Variants in PTPRT observed in about 807,000 individuals in gnomAD.
The protein encoded by PTPRT is receptor-type tyrosine-protein phosphatase T.
PTPRT carries 56 observed loss-of-function variants against 176.8 expected under a neutral mutation model. The observed-to-expected ratio is 0.32, with a 90% confidence interval of 0.26 to 0.40. PTPRT has a LOEUF of 0.40. Among genes scored for constraint, PTPRT ranks in the 10% least tolerant of loss-of-function variants. The pLI, the probability that PTPRT is intolerant of heterozygous loss-of-function variation, is 1.00. For synonymous variants in PTPRT, 783 were observed against 739.0 expected (o/e 1.06, Z -0.96); for missense variants, 1,540 against 1,908.2 (o/e 0.81, Z 3.60).
intron 2 of PTPRT, among the ~76,000 whole-genome samples, chr20:42,822,001 T>C (rs573836612): frequency 1.3e-5 from 2 of 152,268 alleles, no homozygotes; most frequent in South Asian, 4.1e-4. Flanking sequence ...AATTTACAGA[T>C]TCAACACTGC....
At chr20:42,043,753 G>T in the PTPRT span, among the ~76,000 whole-genome samples, 5 of 152,134 alleles carry the variant, frequency 3.3e-5, no homozygotes, top group African/African-American at 7.2e-5. Flanking sequence ...CAATATACAA[G>T]ACACTTTTAT....
At chr20:43,099,562 T>C (rs915788125) in intron 1 of PTPRT, among the ~76,000 whole-genome samples, 2 of 152,168 alleles carry the variant, frequency 1.3e-5, no homozygotes, top group African/African-American at 4.8e-5. Context: ...TCTTCAAAGA[T>C]ATCCACAAGT....
chr20:42,768,070 C>T (rs904174430), intron 5 of PTPRT, among the ~76,000 whole-genome samples: 7 of 148,936 alleles, frequency 4.7e-5, no homozygotes, highest in African/African-American at 1.7e-4. Context: ...CTTCCAATTA[C>T]CTGATTGCAC....
intron 8 of PTPRT, among the ~76,000 whole-genome samples, chr20:42,463,909 T>A (rs1889674379): frequency 6.6e-6 from 1 of 152,264 alleles, no homozygotes; most frequent in Admixed American, 6.5e-5. Context: ...TTGTTCCAGA[T>A]AAATCTTTAC....
chr20:42,189,939 T>C (rs1443532404), intron 16 of PTPRT, among the ~76,000 whole-genome samples: 2 of 152,202 alleles, frequency 1.3e-5, no homozygotes, highest in Middle Eastern at 3.2e-3. Flanking sequence ...TGATGGAAAA[T>C]TGGTCAACTT....
chr20:42,602,461 C>T (rs1193271550), intron 7 of PTPRT, among the ~76,000 whole-genome samples: 1 of 152,082 alleles, frequency 6.6e-6, no homozygotes, highest in African/African-American at 2.4e-5. Context: ...TTCTGCCGGA[C>T]ACTGGTCAAA....
At chr20:42,692,115 C>T (rs2075802725) in intron 6 of PTPRT, among the ~76,000 whole-genome samples, 1 of 152,100 alleles carries the variant, frequency 6.6e-6, no homozygotes, top group South Asian at 2.1e-4. Flanking sequence ...AATTTTAACA[C>T]ACACAAAAGG....
At chr20:42,917,983 G>C (rs537164666) in intron 1 of PTPRT, among the ~76,000 whole-genome samples, 1 of 152,094 alleles carries the variant, frequency 6.6e-6, no homozygotes, top group African/African-American at 2.4e-5. Context: ...ACTAGCGGTC[G>C]CGTGTCCCAG....
At chr20:42,396,565 C>T (rs1435985514) in intron 9 of PTPRT, among the ~76,000 whole-genome samples, 1 of 152,126 alleles carries the variant, frequency 6.6e-6, no homozygotes, top group Non-Finnish European at 1.5e-5. Context: ...GCCCTTTGCA[C>T]TTTCTTTTTT....
intron 19 of PTPRT, 131 bp from the exon 20 acceptor site, chr20:42,120,102 G>C (rs1335253489): frequency 2.7e-6 from 2 of 732,270 alleles, no homozygotes; most frequent in Non-Finnish European, 4.4e-6. Context: ...GTTATTCCCA[G>C]AGAAGTGGCA....
chr20:42,845,109 T>C (rs183282), intron 2 of PTPRT, among the ~76,000 whole-genome samples: 132,990 of 152,154 alleles, frequency 0.87, 58,648 homozygotes, highest in Non-Finnish European at 0.94. Context: ...TGTCTAGACA[T>C]TGGTAAGCAA....
intron 17 of PTPRT, among the ~76,000 whole-genome samples, chr20:42,151,934 G>C (rs187084260): frequency 6.6e-6 from 1 of 152,330 alleles, no homozygotes; most frequent in Admixed American, 6.5e-5. Context: ...GAATGGGAAC[G>C]TTTCATAATC....
chr20:42,210,806 A>G (rs2055604209), intron 15 of PTPRT, among the ~76,000 whole-genome samples: 1 of 152,240 alleles, frequency 6.6e-6, no homozygotes, highest in South Asian at 2.1e-4. Flanking sequence ...TTTAAAATTC[A>G]TATGGAACCA....
At chr20:42,634,587 A>C (rs1264895066) in intron 7 of PTPRT, among the ~76,000 whole-genome samples, 6 of 152,082 alleles carry the variant, frequency 3.9e-5, no homozygotes, top group African/African-American at 1.4e-4. Context: ...AGGCATGCTA[A>C]TTTCATTTTA....
rs533907288 is a variant in PTPRT, at chr20:42,504,757, T to A, written c.1154-32195A>T. Among the ~76,000 whole-genome samples, 3 of 152,316 alleles carry A rather than the reference T, an allele frequency of 2.0e-5. No homozygotes were observed. In the South Asian group the frequency reaches 6.2e-4, roughly 32 times the overall value. On this transcript the variant is annotated intron_variant, in intron 7 of 30. Transcript: ENST00000373187. ...ACATTTTTTGAGAATACTGATAAGT[T>A]GAAAATTCTTTCTCACATCTTACGT...
intron 11 of PTPRT, among the ~76,000 whole-genome samples, chr20:42,341,226 G>A (rs1340317378): frequency 6.6e-6 from 1 of 152,142 alleles, no homozygotes; most frequent in Non-Finnish European, 1.5e-5. Flanking sequence ...CAGGTTGCCT[G>A]GCCCTCAATA....
chr20:42,101,758 G>A (rs746655856), intron 26 of PTPRT, among the ~76,000 whole-genome samples: 2 of 152,166 alleles, frequency 1.3e-5, no homozygotes, highest in South Asian at 2.1e-4. Flanking sequence ...GTGTTCCCAC[G>A]CTCAGGCCAA....
chr20:42,070,022 C>T (rs899967505), downstream of PTPRT, among the ~76,000 whole-genome samples: 3 of 152,160 alleles, frequency 2.0e-5, no homozygotes, highest in African/African-American at 7.2e-5. Flanking sequence ...TGTTGAGTCT[C>T]GTTGCATATC....
intron 7 of PTPRT, among the ~76,000 whole-genome samples, chr20:42,583,106 T>C (rs1177464010): frequency 6.6e-6 from 1 of 152,210 alleles, no homozygotes; most frequent in Non-Finnish European, 1.5e-5. Context: ...TTTTTGAGTA[T>C]ATAAATCAAT....
Sources: gnomAD v4.1 joint callset for allele counts (sites outside exome capture counted in the v4.1 genomes callset) on GRCh38, gnomAD v4.1.1 for gene constraint, MANE v1.5 for transcripts, NCBI Gene and HGNC (gene_info 2026-07-23, HGNC 2026-07-21) for gene names.